WNT10A: variants seen among roughly 807,000 people sequenced by gnomAD.
WNT10A encodes the protein protein Wnt-10a.
WNT10A carries 37 observed loss-of-function variants against 36.1 expected under a neutral mutation model. The ratio of observed to expected loss-of-function variants is 1.02; its 90% CI spans 0.79 to 1.35. The LOEUF is 1.35. WNT10A is among the 40% of genes most tolerant of loss of function. The pLI is 0.00. For missense variants in WNT10A, 613 were observed against 601.4 expected (o/e 1.02, Z -0.20); for synonymous variants, 255 against 254.1 (o/e 1.00, Z -0.03).
intron 3 of WNT10A, among the ~76,000 whole-genome samples, chr2:218,892,224 AG>A (rs1364054790): frequency 2.6e-5 from 4 of 151,276 alleles, no homozygotes; most frequent in Non-Finnish European, 4.4e-5. Flanking sequence ...AAAGAGATGT[AG>A]GGGGAGCTGG....
At chr2:218,889,831 G>T (rs374771479) in intron 2 of WNT10A, among the ~76,000 whole-genome samples, 153 bp from the exon 3 acceptor site, 2 of 152,210 alleles carry the variant, frequency 1.3e-5, no homozygotes, top group African/African-American at 4.8e-5. Context: ...GGCTTCTGGC[G>T]TGATTTCTGC....
chr2:218,881,254 G>A (rs1368341171), intron 1 of WNT10A, 146 bp downstream of exon 1: 3 of 1,233,734 alleles, frequency 2.4e-6, no homozygotes, highest in Admixed American at 2.0e-5. Context: ...CAAAGGCAGT[G>A]AGCTCCCTCA....
chr2:218,888,106 G>A (rs1944598760), intron 2 of WNT10A, among the ~76,000 whole-genome samples: 1 of 152,224 alleles, frequency 6.6e-6, no homozygotes, highest in African/African-American at 2.4e-5. Flanking sequence ...TGTTTTGGCA[G>A]GAAGGGGAGG....
intron 2 of WNT10A, chr2:218,883,952 C>T (rs1455551752): frequency 6.6e-6 from 1 of 152,432 alleles, no homozygotes; most frequent in East Asian, 1.9e-4. Context: ...GTTTCTAGGT[C>T]GTCCGCGCTG....
Position 218,892,842 on chromosome 2 carries a change from G to C in WNT10A, c.825G>C (p.Thr275=), listed in dbSNP as rs776303684. ...CGTCAGGCAGCTGCCAGCTCAAGAC[G>C]TGCTGGCAGGTGACGCCCGAGTTCC... ...HGTSGSCQLK[T]CWQVTPEFRT... Residue 275 remains threonine (T), a synonymous_variant, in exon 4 of 4, where the codon ACG becomes ACC. Coordinates refer to ENST00000258411, the MANE Select transcript of WNT10A (RefSeq NM_025216.3). The C allele has an allele frequency of 6.3e-7, 1 of 1,590,820 alleles. No homozygotes were observed. The highest frequency in any genetic ancestry group is 8.5e-7 in the Non-Finnish European group (1 of 1,170,296).
In WNT10A at chr2:218,882,286, A is replaced by T; in HGVS notation, c.239A>T (p.Asp80Val). 2 of 1,614,146 alleles carry T rather than the reference A, an allele frequency of 1.2e-6. No homozygotes were observed. The highest frequency in any genetic ancestry group is 1.7e-6 in the Non-Finnish European group (2 of 1,180,022). ...ATGGAGGTGTGTGTGCGTCACCCTG[A>T]TGTGGCTGCCTCAGCCATACAGGGC... ...RQMEVCVRHP[D>V]VAASAIQGIQ... Residue 80 changes from aspartate to valine, a missense_variant, in exon 2 of 4, where the codon GAT becomes GTT. By Grantham distance (152) the Asp-to-Val change is radical. Transcript: ENST00000258411.
At chr2:218,879,651 A>G (rs1182262284), upstream of WNT10A, among the ~76,000 whole-genome samples, 1 of 152,210 alleles carries the variant, frequency 6.6e-6, no homozygotes, top group African/African-American at 2.4e-5. Flanking sequence ...AGGTGGGGCC[A>G]GGGAGGGCCA....
In WNT10A at chr2:218,892,371, G is replaced by C. The variant is rs180704402; in HGVS notation, c.757-403G>C. The stretch of plus-strand genomic sequence containing the variant: ...CACACACACACACACGGCCTGGAGC[G>C]AGATACAGCGGGGCCAGCACCCTCC... On this transcript the variant is annotated intron_variant, in intron 3 of 3. Coordinates refer to ENST00000258411, the MANE Select transcript of WNT10A (RefSeq NM_025216.3). Among the ~76,000 whole-genome samples the C allele has an allele frequency of 3.3e-3, 492 of 149,666 alleles. 4 individuals carry two copies. The highest frequency in any genetic ancestry group is 0.011 in the African/African-American group (445 of 40,332).
rs1238996525 is a variant in WNT10A, at chr2:218,890,174, C to T, written c.567C>T (p.Ser189=). ...LDALQRGKGL[S]HGVPEHPALP... The stretch of plus-strand genomic sequence containing the variant: ...CACTGCAGCGTGGTAAGGGCCTGAG[C>T]CATGGGGTCCCGGAACACCCAGCCC... Residue 189 remains serine (S), a synonymous_variant, in exon 3 of 4, where the codon AGC becomes AGT. Transcript: ENST00000258411. 1.2e-6 allele frequency: 2 copies of T among 1,614,118 alleles called. No individual in the cohort carries two copies. The highest frequency in any genetic ancestry group is 1.1e-5 in the South Asian group (1 of 91,086).
intron 3 of WNT10A, 152 bp from the exon 4 acceptor site, chr2:218,892,622 T>C: frequency 7.8e-7 from 1 of 1,275,200 alleles, no homozygotes; most frequent in Non-Finnish European, 1.1e-6. Flanking sequence ...GTACAGAAGT[T>C]CTTCTGACTG....
In WNT10A at chr2:218,892,831, C is replaced by G. The variant is rs773036759; in HGVS notation, c.814C>G (p.Gln272Glu). ...CKCHGTSGSC[Q>E]LKTCWQVTPE... ...GTGCCACGGCACGTCAGGCAGCTGC[C>G]AGCTCAAGACGTGCTGGCAGGTGAC... Residue 272 changes from glutamine to glutamate, a missense_variant, in exon 4 of 4, where the codon CAG (glutamine) becomes GAG (glutamate). By Grantham distance (29) the Gln-to-Glu change is conservative (BLOSUM62 2). Transcript: ENST00000258411. 2 of 1,596,140 alleles carry G rather than the reference C, an allele frequency of 1.3e-6. No homozygotes were observed. The highest frequency in any genetic ancestry group is 3.4e-5 in the Admixed American group (2 of 58,394).
intron 1 of WNT10A, 130 bp downstream of exon 1, chr2:218,881,238 C>T: frequency 7.2e-7 from 1 of 1,381,888 alleles, no homozygotes; most frequent in Non-Finnish European, 1.0e-6. Flanking sequence ...AGTGCTGGTG[C>T]CCAACCAAAG....
chr2:218,890,901 C>G (rs936371395), intron 3 of WNT10A, among the ~76,000 whole-genome samples: 34 of 152,154 alleles, frequency 2.2e-4, no homozygotes, highest in African/African-American at 7.5e-4. Context: ...CTCCTTTATC[C>G]TCTGTCCTCA....
chr2:218,881,933 G>A (rs983091028), intron 1 of WNT10A, among the ~76,000 whole-genome samples: 4 of 152,204 alleles, frequency 2.6e-5, no homozygotes, highest in South Asian at 2.1e-4. Flanking sequence ...GCATTTGCAC[G>A]CTTACCTGTG....
At chr2:218,885,726 C>T (rs998661401) in intron 2 of WNT10A, among the ~76,000 whole-genome samples, 15 of 152,226 alleles carry the variant, frequency 9.9e-5, no homozygotes, top group African/African-American at 3.4e-4. Flanking sequence ...TTTTCTCCCA[C>T]CTCCTTTTTA....
chr2:218,890,376 C>A lies in WNT10A; in HGVS notation c.756+13C>A, dbSNP rs745958462. 2 of 1,599,426 alleles carry A rather than the reference C, an allele frequency of 1.3e-6. No homozygotes were observed. Among genetic ancestry groups the A allele is most frequent in the East Asian group, 2.2e-5 (1 of 44,872 alleles). On this transcript the variant is annotated intron_variant, in intron 3 of 3. Coordinates refer to ENST00000258411, the MANE Select transcript of WNT10A (RefSeq NM_025216.3). ...AGTTGGGAGGCAGGTGAGAGCCCCA[C>A]CCCTGGGTCTGCTTCAAATCTCTTT...
At chr2:218,883,603 C>T (rs987868858) in intron 2 of WNT10A, among the ~76,000 whole-genome samples, 18 of 150,124 alleles carry the variant, frequency 1.2e-4, no homozygotes, top group African/African-American at 4.1e-4. Context: ...CTGTTTCTAC[C>T]CGGCCGAGCC....
At chr2:218,890,490 C>T (rs949264088) in intron 3 of WNT10A, 127 bp downstream of exon 3, 131 of 1,372,064 alleles carry the variant, frequency 9.5e-5, no homozygotes, top group Non-Finnish European at 1.3e-4. Context: ...TTCTCGTTGA[C>T]CCTGTCTAAT....
In WNT10A at chr2:218,893,046, C is replaced by A; in HGVS notation, c.1029C>A (p.Pro343=). 1 of 1,596,240 alleles carries A rather than the reference C, an allele frequency of 6.3e-7. No individual in the cohort carries two copies. The highest frequency in any genetic ancestry group is 1.7e-4 in the Middle Eastern group (1 of 5,764). The change falls in exon 4 of 4, where the codon CCC becomes CCA. Residue 343 remains proline, a synonymous_variant. Transcript: ENST00000258411. This position sits in a 1 kb window ranked among gnomAD's most constrained non-coding sequence, Gnocchi z 6.3. The part of the protein sequence containing the change: ...PADLVYFEKS[P]DFCEREPRLD... ...ACCTGGTCTACTTCGAAAAGTCTCC[C>A]GACTTCTGCGAGCGCGAGCCGCGCC...
Sources: allele counts gnomAD v4.1 joint callset (sites outside exome capture counted in the v4.1 genomes callset), GRCh38; gene constraint gnomAD v4.1.1; non-coding constraint Gnocchi (gnomAD v3.1); transcripts MANE v1.5; gene names NCBI Gene and HGNC (gene_info 2026-07-23, HGNC 2026-07-21).